Variants in TOP1 observed in about 807,000 individuals in gnomAD.
The protein encoded by TOP1 is DNA topoisomerase I.
In TOP1, 10 loss-of-function variants were observed where a neutral mutation model predicts 111.1. The observed-to-expected ratio is 0.09, with a 90% CI of 0.06 to 0.15. The LOEUF (loss-of-function observed/expected upper bound fraction) is 0.15, where lower values mean the gene tolerates loss of function less well. Among genes scored for constraint, TOP1 ranks in the 10% least tolerant of loss-of-function variants. TOP1 has a pLI of 1.00. For missense variants in TOP1, 474 were observed against 926.7 expected (o/e 0.51, Z 6.34); for synonymous variants, 271 against 302.9 (o/e 0.89, Z 1.10).
In TOP1 at chr20:41,098,291, A is replaced by T; in HGVS notation, c.929A>T (p.Lys310Ile). Residue 310 changes from lysine to isoleucine, a missense_variant, in exon 11 of 21, where the codon AAA (lysine) becomes ATA (isoleucine). Lys to Ile is a moderately radical substitution (Grantham distance 102). Transcript: ENST00000361337. The surrounding 1 kb of genome is among the most constrained non-coding windows in gnomAD (Gnocchi z 5.7). ...TTTACCCAGATGAGCCAGTATTTCA[A>T]AGCCCAGACGGAAGCTCGGAAACAG... ...CDFTQMSQYF[K>I]AQTEARKQMS... 6.2e-7 allele frequency: 1 copy of T among 1,614,066 alleles called. No individual in the cohort carries two copies. Among genetic ancestry groups the T allele is most frequent in the Non-Finnish European group, 8.5e-7 (1 of 1,179,942 alleles).
chr20:41,051,885 A>G (rs1440779824), intron 2 of TOP1, among the ~76,000 whole-genome samples: 1 of 152,022 alleles, frequency 6.6e-6, no homozygotes, highest in Non-Finnish European at 1.5e-5. Context: ...TTAATCAAGG[A>G]GAAGGTTTAG....
chr20:41,120,596 T>G (rs2034406994), intron 18 of TOP1, among the ~76,000 whole-genome samples: 2 of 152,196 alleles, frequency 1.3e-5, no homozygotes. Flanking sequence ...CTTCAAAGAT[T>G]CTAACAAGCA....
chr20:41,049,841 TTTTG>T (rs1014392021), intron 2 of TOP1, among the ~76,000 whole-genome samples: 3 of 152,170 alleles, frequency 2.0e-5, no homozygotes, highest in Non-Finnish European at 2.9e-5. Flanking sequence ...GAGATTTTTT[TTTTG>T]TTTGTTTTGT....
At chr20:41,117,543 C>T (rs1456343161) in intron 17 of TOP1, among the ~76,000 whole-genome samples, 4 of 151,632 alleles carry the variant, frequency 2.6e-5, no homozygotes, top group South Asian at 2.1e-4. Flanking sequence ...CCCGCCATGT[C>T]GCCCGGCTAA....
At position 41,094,463 on chromosome 20, in the gene TOP1, G is replaced by C. The variant is rs1008764692; in HGVS notation, c.730+1876G>C. Among the ~76,000 whole-genome samples the C allele has an allele frequency of 6.6e-6, 1 of 152,178 alleles. No individual in the cohort carries two copies. The highest frequency in any genetic ancestry group is 2.4e-5 in the African/African-American group (1 of 41,434). ...GAGGTTCAAAGTGATGGGAGGGAAA[G>C]CTAGATTCCCTAGTCCTGTGGTTTC... is the stretch of plus-strand genomic sequence containing the variant. On this transcript the variant is annotated intron_variant, in intron 9 of 20. Coordinates refer to ENST00000361337, the MANE Select transcript of TOP1 (RefSeq NM_003286.4). This position sits in a 1 kb window ranked among gnomAD's most constrained non-coding sequence, Gnocchi z 4.4.
In TOP1 at chr20:41,102,143, A is replaced by G. The variant is rs1223355294; in HGVS notation, c.1308+790A>G. On this transcript the variant is annotated intron_variant, in intron 13 of 20. Coordinates refer to ENST00000361337, the MANE Select transcript of TOP1 (RefSeq NM_003286.4). The surrounding 1 kb of genome is among the most constrained non-coding windows in gnomAD (Gnocchi z 4.0). ...AGACCTGGGACTAAAGACCTTCTTG[A>G]TCCTCGTTCATAGGTTATAACATCT... Among the ~76,000 whole-genome samples the G allele has an allele frequency of 6.6e-5, 10 of 152,212 alleles. No individual in the cohort carries two copies. The highest frequency in any genetic ancestry group is 6.2e-4 in the South Asian group (3 of 4,832).
rs2145936393 is a variant in TOP1, at chr20:41,078,047, C to T, written c.335+410C>T. 6.8e-6 allele frequency among the ~76,000 whole-genome samples: 1 copy of T among 147,828 alleles called. No homozygotes were observed. Among genetic ancestry groups the T allele is most frequent in the African/African-American group, 2.5e-5 (1 of 40,020 alleles). Reference sequence around the variant, plus strand: ...TTTCTCTAAAAAGAAACTTCATATTCAGTAGCGATTATGGAGTTTTCTGAA... The same window carrying T: ...TTTCTCTAAAAAGAAACTTCATATTTAGTAGCGATTATGGAGTTTTCTGAA... On this transcript the variant is annotated intron_variant, in intron 5 of 20. Coordinates refer to ENST00000361337, the MANE Select transcript of TOP1 (RefSeq NM_003286.4). The surrounding 1 kb of genome is among the most constrained non-coding windows in gnomAD (Gnocchi z 5.3).
intron 3 of TOP1, chr20:41,072,803 A>G (rs370965376): frequency 6.1e-6 from 6 of 985,318 alleles, no homozygotes; most frequent in Admixed American, 6.1e-5. Flanking sequence ...ACAGTCTCCA[A>G]TGTAATGCCC....
chr20:41,042,229 A>G (rs1179438466), intron 2 of TOP1, among the ~76,000 whole-genome samples: 1 of 152,164 alleles, frequency 6.6e-6, no homozygotes, highest in Non-Finnish European at 1.5e-5. Flanking sequence ...GGATATTTTT[A>G]AAGGACCAGA....
chr20:41,119,652 T>C (rs1312366822), intron 18 of TOP1, among the ~76,000 whole-genome samples: 2 of 152,220 alleles, frequency 1.3e-5, no homozygotes, highest in Non-Finnish European at 2.9e-5. Context: ...ATGAGTAATA[T>C]AGCTGGTTCA....
intron 13 of TOP1, among the ~76,000 whole-genome samples, chr20:41,111,004 C>G (rs1216526109): frequency 6.6e-6 from 1 of 152,184 alleles, no homozygotes; most frequent in Non-Finnish European, 1.5e-5. Context: ...AAAAGTTGGT[C>G]TGGTAGTATC....
Position 41,029,600 on chromosome 20 carries a change from G to T in TOP1, c.58+145G>T, listed in dbSNP as rs1231599996. The stretch of plus-strand genomic sequence containing the variant: ...GCTCACCGGCCCCATTGTTCCCATC[G>T]GGCCGCCTCTTGACCCCCTTTCCGG... On this transcript the variant is annotated intron_variant, in intron 2 of 20. Transcript: ENST00000361337. The surrounding 1 kb of genome is among the most constrained non-coding windows in gnomAD (Gnocchi z 6.1). The T allele has an allele frequency of 2.8e-6, 2 of 718,074 alleles. No homozygotes were observed. The highest frequency in any genetic ancestry group is 4.9e-6 in the Non-Finnish European group (2 of 409,346). The allele number at this position is 718,074 out of a possible 1,614,324, so 44.5% of individuals were successfully genotyped here.
Position 41,109,980 on chromosome 20 carries a change from A to G in TOP1, c.1309-2802A>G, listed in dbSNP as rs796687844. Among the ~76,000 whole-genome samples the G allele has an allele frequency of 4.6e-5, 7 of 152,330 alleles. No homozygotes were observed. The highest frequency in any genetic ancestry group is 1.7e-4 in the African/African-American group (7 of 41,578). ...ACTACTTATGTATTCAACAACATGGATGAATCTTAAAAACATGGTTAAGGG... is the reference window on the plus strand; with the variant it reads ...ACTACTTATGTATTCAACAACATGGGTGAATCTTAAAAACATGGTTAAGGG... On this transcript the variant is annotated intron_variant, in intron 13 of 20. Coordinates refer to ENST00000361337, the MANE Select transcript of TOP1 (RefSeq NM_003286.4). This position sits in a 1 kb window ranked among gnomAD's most constrained non-coding sequence, Gnocchi z 4.1.
rs924268107 is a variant in TOP1, at chr20:41,071,414, G to A, written c.156-4757G>A. On this transcript the variant is annotated intron_variant, in intron 3 of 20. Coordinates refer to ENST00000361337, the MANE Select transcript of TOP1 (RefSeq NM_003286.4). The surrounding 1 kb of genome is among the most constrained non-coding windows in gnomAD (Gnocchi z 4.3). ...GGCTGGAGTGCAGTGGCGTGATCTC[G>A]GCTCACTGCAGCCTCTGTCTCCCTG... Among the ~76,000 whole-genome samples, 4 of 151,374 alleles carry A rather than the reference G, an allele frequency of 2.6e-5. No homozygotes were observed. Among genetic ancestry groups the A allele is most frequent in the Admixed American group, 6.6e-5 (1 of 15,232 alleles).
At position 41,058,804 on chromosome 20, in the gene TOP1, C is replaced by A. The variant is rs1288215190; in HGVS notation, c.59-2590C>A. On this transcript the variant is annotated intron_variant, in intron 2 of 20. Transcript: ENST00000361337. This position sits in a 1 kb window ranked among gnomAD's most constrained non-coding sequence, Gnocchi z 4.2. ...TTAGAATAGAGGGTCCGGAAATAGA[C>A]CTATAATTATATGACCGCTCGAAAA... Among the ~76,000 whole-genome samples the A allele has an allele frequency of 1.3e-5, 2 of 151,984 alleles. No individual in the cohort carries two copies. The highest frequency in any genetic ancestry group is 4.8e-5 in the African/African-American group (2 of 41,348).
Position 41,118,033 on chromosome 20 carries a change from G to A in TOP1, c.1823-136G>A, listed in dbSNP as rs2034361903. The A allele has an allele frequency of 2.1e-6, 2 of 963,048 alleles. No individual in the cohort carries two copies. Among genetic ancestry groups the A allele is most frequent in the Non-Finnish European group, 3.0e-6 (2 of 671,610 alleles). 59.7% of individuals were successfully genotyped at this position (963,048 alleles called of 1,614,324 possible). A position where few individuals can be genotyped will look rare whatever the true frequency, so the allele number is the denominator to read the frequency against. ...TCAAATTTTGACCTTAGTCCTTGGG[G>A]GCAATTTGAATTAATCATCTGAGTA... On this transcript the variant is annotated intron_variant, in intron 17 of 20. Transcript: ENST00000361337. This position sits in a 1 kb window ranked among gnomAD's most constrained non-coding sequence, Gnocchi z 4.6.
chr20:41,051,162 G>C (rs2033400853), intron 2 of TOP1, among the ~76,000 whole-genome samples: 1 of 152,144 alleles, frequency 6.6e-6, no homozygotes, highest in Admixed American at 6.5e-5. Flanking sequence ...TTTTGGAGAA[G>C]GTAGGTTTTG....
intron 8 of TOP1, among the ~76,000 whole-genome samples, chr20:41,085,793 AAG>A (rs2033841181): frequency 6.6e-6 from 1 of 152,240 alleles, no homozygotes. Context: ...GAAAGGGAGA[AAG>A]AGCACTGACC....
rs2034458967 is a variant in TOP1 at position 41,124,064 on chromosome 20, T to C, written c.*767T>C. 5 of 233,260 alleles carry C rather than the reference T, an allele frequency of 2.1e-5. No homozygotes were observed. In the South Asian group the frequency reaches 9.0e-4, roughly 42 times the overall value. The allele number at this position is 233,260 out of a possible 1,614,324, so 14.4% of individuals were successfully genotyped here. A position where few individuals can be genotyped will look rare whatever the true frequency, so the allele number is the denominator to read the frequency against. ...AATCTAAGGATAATGAAATAATCAGTGACTGAAACCATTTTCCCATCATCC... is the reference window on the plus strand; with the variant it reads ...AATCTAAGGATAATGAAATAATCAGCGACTGAAACCATTTTCCCATCATCC... On this transcript the variant is annotated 3_prime_UTR_variant, in exon 21 of 21. Transcript: ENST00000361337. The surrounding 1 kb of genome is among the most constrained non-coding windows in gnomAD (Gnocchi z 5.4).
Sources: gnomAD v4.1 joint callset for allele counts (sites outside exome capture counted in the v4.1 genomes callset) on GRCh38, gnomAD v4.1.1 for gene constraint, Gnocchi (gnomAD v3.1) non-coding constraint, MANE v1.5 for transcripts, NCBI Gene and HGNC (gene_info 2026-07-23, HGNC 2026-07-21) for gene names.